Variants in CHN2 observed in about 807,000 individuals in gnomAD.
CHN2 encodes chimerin 2.
A neutral mutation model predicts 56.3 loss-of-function variants in CHN2; 35 were observed. The observed-to-expected ratio is 0.62, with a 90% CI of 0.47 to 0.82. The LOEUF (loss-of-function observed/expected upper bound fraction) is 0.82, where lower values mean the gene tolerates loss of function less well. Ranked by LOEUF, CHN2 falls within the 40% of genes least tolerant of loss-of-function variation. The pLI is 0.00. For missense variants in CHN2, 491 were observed against 580.5 expected, an observed-to-expected ratio of 0.85 and a Z score of 1.58; for synonymous variants, 210 against 212.8, an observed-to-expected ratio of 0.99 and a Z score of 0.12.
At chr7:29,421,856 G>A (rs1021129348) in intron 6 of CHN2, among the ~76,000 whole-genome samples, 2 of 152,238 alleles carry the variant, frequency 1.3e-5, no homozygotes, top group East Asian at 3.9e-4. Context: ...CATATATATT[G>A]TGATTTTCTC....
At chr7:29,248,797 G>A (rs1584861548) in intron 1 of CHN2, among the ~76,000 whole-genome samples, 1 of 152,146 alleles carries the variant, frequency 6.6e-6, no homozygotes, top group East Asian at 1.9e-4. Context: ...AGTAAGTTGG[G>A]TGCTGGAACC....
chr7:29,395,589 A>T (rs1585252558), intron 4 of CHN2, among the ~76,000 whole-genome samples: 1 of 152,230 alleles, frequency 6.6e-6, no homozygotes, highest in East Asian at 1.9e-4. Context: ...AAATACCCAT[A>T]GTTCTACCAT....
chr7:29,439,004 C>T (rs1336494898), intron 6 of CHN2, among the ~76,000 whole-genome samples: 1 of 152,212 alleles, frequency 6.6e-6, no homozygotes, highest in Non-Finnish European at 1.5e-5. Context: ...CTGTTTACCT[C>T]ATATCTATCA....
chr7:29,245,357 A>G (rs1787988668), intron 1 of CHN2, among the ~76,000 whole-genome samples: 1 of 152,226 alleles, frequency 6.6e-6, no homozygotes, highest in South Asian at 2.1e-4. Flanking sequence ...AAACCAGGGA[A>G]CAATGATAGA....
At chr7:29,211,450 G>GCACACACACACACA (rs148200755) in intron 1 of CHN2, among the ~76,000 whole-genome samples, 1 of 138,360 alleles carries the variant, frequency 7.2e-6, no homozygotes, top group South Asian at 2.5e-4. Context: ...CTGCATGTTG[G>GCACACACACACACA]CACACACACA....
At position 29,242,094 on chromosome 7, in the gene CHN2, C is replaced by T. The variant is rs147839502; in HGVS notation, c.49+47104C>T. ...GTAGAACTCATTTAATTCTCACAAC[C>T]ATCCTATGGTTGTGTAACTCATCTA... On this transcript the variant is annotated intron_variant, in intron 1 of 12. Transcript: ENST00000222792. Among the ~76,000 whole-genome samples the T allele has an allele frequency of 3.6e-3, 541 of 152,194 alleles. 3 individuals are homozygous for T. The highest frequency in any genetic ancestry group is 0.012 in the African/African-American group (510 of 41,510).
rs373226085 is a variant in CHN2 at position 29,486,275 on chromosome 7, C to T, written c.654+5919C>T. On this transcript the variant is annotated intron_variant, in intron 7 of 12. Transcript: ENST00000222792. ...TTCACGTTGGCAGAAAGCAGGGGAC[C>T]GTATCTCCCTACAGTTGAGCTTTCG... Among the ~76,000 whole-genome samples, 27 of 152,308 alleles carry T rather than the reference C, an allele frequency of 1.8e-4. 2 individuals are homozygous for T. The highest frequency in any genetic ancestry group is 5.5e-4 in the African/African-American group (23 of 41,574).
intron 1 of CHN2, among the ~76,000 whole-genome samples, chr7:29,233,653 G>A (rs1316648877): frequency 6.6e-6 from 1 of 151,882 alleles, no homozygotes; most frequent in Admixed American, 6.6e-5. Context: ...GAGACAGAAG[G>A]GTCAGTTTCA....
chr7:29,469,917 AAAGG>A (rs1785887778), intron 6 of CHN2, among the ~76,000 whole-genome samples: 1 of 152,186 alleles, frequency 6.6e-6, no homozygotes, highest in South Asian at 2.1e-4. Context: ...AGGAAGAGAG[AAAGG>A]AAGGAAGCAA....
intron 6 of CHN2, among the ~76,000 whole-genome samples, chr7:29,429,119 G>A (rs1016894824): frequency 4.6e-5 from 7 of 152,130 alleles, no homozygotes; most frequent in African/African-American, 1.7e-4. Flanking sequence ...GTTTTCAAGG[G>A]TTTATTGCCT....
intron 1 of CHN2, among the ~76,000 whole-genome samples, chr7:29,201,787 T>A (rs1005913664): frequency 2.0e-5 from 3 of 152,240 alleles, no homozygotes; most frequent in African/African-American, 7.2e-5. Flanking sequence ...ACAAAACTAA[T>A]GTAAAATCAA....
chr7:29,361,031 C>A (rs1798692706), intron 2 of CHN2, among the ~76,000 whole-genome samples: 2 of 152,240 alleles, frequency 1.3e-5, no homozygotes, highest in Admixed American at 1.3e-4. Flanking sequence ...GCTAAGAATT[C>A]TCTGGTGTGC....
intron 2 of CHN2, among the ~76,000 whole-genome samples, chr7:29,156,134 A>G (rs1183970384): frequency 1.3e-5 from 2 of 152,202 alleles, no homozygotes; most frequent in African/African-American, 2.4e-5. Context: ...CTGGAAAACC[A>G]TATATTTACT....
intron 6 of CHN2, among the ~76,000 whole-genome samples, chr7:29,427,090 G>A (rs1463024679): frequency 1.3e-5 from 2 of 152,156 alleles, no homozygotes; most frequent in Non-Finnish European, 2.9e-5. Flanking sequence ...AGCCAAGGTG[G>A]GTGGATCACT....
At chr7:29,381,388 A>G (rs1487682489) in intron 3 of CHN2, among the ~76,000 whole-genome samples, 2 of 152,200 alleles carry the variant, frequency 1.3e-5, no homozygotes, top group Non-Finnish European at 2.9e-5. Flanking sequence ...TGTCCAAACA[A>G]GGAGGGCCTA....
chr7:29,389,690 G>T (rs552178967), intron 3 of CHN2, among the ~76,000 whole-genome samples: 2 of 152,264 alleles, frequency 1.3e-5, no homozygotes, highest in East Asian at 3.9e-4. Flanking sequence ...CATGTATTGT[G>T]CCTCCTTGGG....
intron 1 of CHN2, among the ~76,000 whole-genome samples, chr7:29,210,033 G>A (rs576556132): frequency 1.8e-4 from 28 of 152,216 alleles, no homozygotes; most frequent in African/African-American, 5.5e-4. Flanking sequence ...ATCATTTTGT[G>A]ACTTTGATGC....
chr7:29,309,414 C>T (rs1191607640), intron 1 of CHN2, among the ~76,000 whole-genome samples: 2 of 152,194 alleles, frequency 1.3e-5, no homozygotes, highest in African/African-American at 4.8e-5. Context: ...CTTCTCCACT[C>T]ATAGAGGACA....
chr7:29,222,484 A>T (rs1247036160), intron 1 of CHN2, among the ~76,000 whole-genome samples: 1 of 86,296 alleles, frequency 1.2e-5, no homozygotes, highest in Non-Finnish European at 2.5e-5. Flanking sequence ...ACAGTAACCA[A>T]AACAGCACAG....
Sources: allele counts gnomAD v4.1 joint callset (sites outside exome capture counted in the v4.1 genomes callset), GRCh38; gene constraint gnomAD v4.1.1; transcripts MANE v1.5; gene names NCBI Gene and HGNC (gene_info 2026-07-23, HGNC 2026-07-21).